The following MIPEP variants were observed in gnomAD, a reference collection of about 807,000 sequenced individuals.
MIPEP encodes mitochondrial intermediate peptidase.
In MIPEP, 79 loss-of-function variants were observed where a neutral mutation model predicts 90.3. That is an observed-to-expected ratio of 0.87 (90% confidence interval 0.73 to 1.05). MIPEP has a LOEUF of 1.05. Among genes scored for constraint, MIPEP ranks in the 50% least tolerant of loss-of-function variants. MIPEP has a pLI of 0.00. For synonymous variants in MIPEP, 334 were observed against 315.8 expected (o/e 1.06, Z -0.61); for missense variants, 940 against 905.6 (o/e 1.04, Z -0.49).
Position 23,730,212 on chromosome 13 carries a change from C to A in MIPEP, c.*136G>T. On this transcript the variant is annotated 3_prime_UTR_variant, in exon 19 of 19. Transcript: ENST00000382172. ...AATAATTAAAACAAATTATTTATTC[C>A]AAGTTCTACCAGTTTAAAGTTTTTC... The A allele has an allele frequency of 1.6e-6, 1 of 616,882 alleles. No individual in the cohort carries two copies. Among genetic ancestry groups the A allele is most frequent in the Non-Finnish European group, 2.9e-6 (1 of 350,586 alleles). The allele number at this position is 616,882 out of a possible 1,614,324, so 38.2% of individuals were successfully genotyped here.
chr13:23,818,494 G>A (rs1304585991), intron 14 of MIPEP, among the ~76,000 whole-genome samples: 1 of 151,754 alleles, frequency 6.6e-6, no homozygotes. Context: ...CAGAGCAAAG[G>A]ACACCTTAAA....
chr13:23,870,338 ATAT>A (rs1452427106), intron 5 of MIPEP, 143 bp from the exon 6 acceptor site: 10 of 379,766 alleles, frequency 2.6e-5, no homozygotes, highest in African/African-American at 1.1e-4. Flanking sequence ...TAAAATGAAT[ATAT>A]TGTTACTATA....
chr13:23,762,658 C>T (rs936317369), intron 16 of MIPEP, among the ~76,000 whole-genome samples: 1 of 152,226 alleles, frequency 6.6e-6, no homozygotes, highest in African/African-American at 2.4e-5. Flanking sequence ...CTTGGGGATG[C>T]AGCCAGTCAG....
intron 7 of MIPEP, 21 bp from the exon 8 acceptor site, chr13:23,864,210 A>C (rs1372216385): frequency 2.0e-6 from 3 of 1,472,588 alleles, no homozygotes; most frequent in South Asian, 1.3e-5. Context: ...ATCCAAAAGA[A>C]AATATCTTCA....
chr13:23,771,136 C>T (rs754591451), intron 16 of MIPEP, among the ~76,000 whole-genome samples: 3 of 152,142 alleles, frequency 2.0e-5, no homozygotes, highest in Non-Finnish European at 4.4e-5. Context: ...CTGCACTTAC[C>T]GGCTGCACAG....
At position 23,884,679 on chromosome 13, in the gene MIPEP, A is replaced by C. The variant is rs1000613771; in HGVS notation, c.363+1654T>G. Among the ~76,000 whole-genome samples, 10 of 152,250 alleles carry C rather than the reference A, an allele frequency of 6.6e-5. No individual in the cohort carries two copies. The South Asian group carries it at 1.2e-3, about 19-fold the overall frequency. ...TTCTTCAGCTAACTAGGCTGTAGAA[A>C]GGGCCTACAGTCTAGTTAAATTTCC... is the stretch of plus-strand genomic sequence containing the variant. On this transcript the variant is annotated intron_variant, in intron 2 of 18. Coordinates refer to ENST00000382172, the MANE Select transcript of MIPEP (RefSeq NM_005932.4).
Position 23,762,050 on chromosome 13 carries a change from G to A in MIPEP, c.1849-1833C>T, listed in dbSNP as rs534671946. On this transcript the variant is annotated intron_variant, in intron 16 of 18. Transcript: ENST00000382172. ...TGAAGCAGGAGAACTGCTTGAACCC[G>A]GGAGGCGGAGGTTGTAGTGAGCTAA... Among the ~76,000 whole-genome samples, 36 of 152,176 alleles carry A rather than the reference G, an allele frequency of 2.4e-4. 1 individual carries two copies. Among genetic ancestry groups the A allele is most frequent in the African/African-American group, 7.7e-4 (32 of 41,524 alleles).
intron 18 of MIPEP, among the ~76,000 whole-genome samples, chr13:23,736,137 T>C (rs2138481187): frequency 6.6e-6 from 1 of 152,228 alleles, no homozygotes; most frequent in East Asian, 1.9e-4. Flanking sequence ...CCAACCAAGG[T>C]GGATGGAGTT....
intron 1 of MIPEP, among the ~76,000 whole-genome samples, chr13:23,887,074 T>C (rs1346191157): frequency 1.3e-5 from 2 of 152,202 alleles, no homozygotes; most frequent in Non-Finnish European, 2.9e-5. Flanking sequence ...GTACCAATTA[T>C]TCTATAACTA....
At chr13:23,816,500 A>C (rs575705488) in intron 14 of MIPEP, among the ~76,000 whole-genome samples, 79 of 150,634 alleles carry the variant, frequency 5.2e-4, no homozygotes, top group African/African-American at 1.6e-3. Context: ...TCGTGGCTTT[A>C]TTACCTACAT....
At chr13:23,759,327 T>G (rs1952515971) in intron 17 of MIPEP, among the ~76,000 whole-genome samples, 1 of 149,908 alleles carries the variant, frequency 6.7e-6, no homozygotes, top group Admixed American at 6.6e-5. Context: ...CTCGCACCCT[T>G]CACCCAGCAC....
At position 23,886,390 on chromosome 13, in the gene MIPEP, G is replaced by T; in HGVS notation, c.306C>A (p.Pro102=). 6.2e-7 allele frequency: 1 copy of T among 1,607,646 alleles called. No individual in the cohort carries two copies. The highest frequency in any genetic ancestry group is 8.5e-7 in the Non-Finnish European group (1 of 1,176,660). The change falls in exon 2 of 19, where the codon CCC becomes CCA. Residue 102 remains proline (P), a synonymous_variant. Transcript: ENST00000382172. Reference sequence around the variant, plus strand: ...GCTCATCGAAGATCAGCACGGTCTGGGGCCCAGGTGGGGTGGAACATGCAC... The same window carrying T: ...GCTCATCGAAGATCAGCACGGTCTGTGGCCCAGGTGGGGTGGAACATGCAC... ...VDRACSTPPG[P]QTVLIFDELS...
chr13:23,834,869 T>C lies in MIPEP; in HGVS notation c.1653+1371A>G, dbSNP rs190582746. 4.6e-5 allele frequency among the ~76,000 whole-genome samples: 7 copies of C among 152,294 alleles called. No homozygotes were observed. In the East Asian group the frequency reaches 1.4e-3, roughly 29 times the overall value. ...TATCACGTGGTAGGGTATGCCTCTC[T>C]ATGTTATTGGCCAAGTCTACATAAT... On this transcript the variant is annotated intron_variant, in intron 14 of 18. Transcript: ENST00000382172.
At chr13:23,815,045 A>G (rs1953217608) in intron 14 of MIPEP, among the ~76,000 whole-genome samples, 2 of 152,252 alleles carry the variant, frequency 1.3e-5, no homozygotes, top group South Asian at 4.1e-4. Flanking sequence ...CAAGATAATG[A>G]GTTTTAAAAT....
Position 23,739,785 on chromosome 13 carries a change from C to CATGCATTTATCAAAGGAA in MIPEP, c.2045-9341_2045-9340insTTCCTTTGATAAATGCAT, listed in dbSNP as rs1318565623. Reference sequence around the variant, plus strand: ...CCTGACTCCACTTCAGACTGAACGTCTGCTCATGCATTTATCAAAAGGAAA... The same window carrying CATGCATTTATCAAAGGAA: ...CCTGACTCCACTTCAGACTGAACGTCATGCATTTATCAAAGGAATGCTCATGCATTTATCAAAAGGAAA... On this transcript the variant is annotated intron_variant, in intron 18 of 18. Coordinates refer to ENST00000382172, the MANE Select transcript of MIPEP (RefSeq NM_005932.4). Among the ~76,000 whole-genome samples the CATGCATTTATCAAAGGAA allele has an allele frequency of 2.6e-3, 389 of 152,352 alleles. 4 individuals carry two copies. The highest frequency in any genetic ancestry group is 8.8e-3 in the African/African-American group (368 of 41,584).
chr13:23,793,244 A>G (rs565331548), intron 16 of MIPEP, among the ~76,000 whole-genome samples: 4 of 152,350 alleles, frequency 2.6e-5, no homozygotes, highest in African/African-American at 7.2e-5. Flanking sequence ...AATACCACAA[A>G]GCAATGAAAA....
chr13:23,739,782 C>T (rs372865233), intron 18 of MIPEP, among the ~76,000 whole-genome samples: 17 of 152,328 alleles, frequency 1.1e-4, no homozygotes, highest in African/African-American at 1.9e-4. Context: ...TCAGACTGAA[C>T]GTCTGCTCAT....
At chr13:23,847,866 T>G (rs1399095611) in intron 10 of MIPEP, among the ~76,000 whole-genome samples, 1 of 152,192 alleles carries the variant, frequency 6.6e-6, no homozygotes, top group Admixed American at 6.5e-5. Flanking sequence ...TCTTATATTG[T>G]CTTGGTGCTT....
intron 4 of MIPEP, among the ~76,000 whole-genome samples, chr13:23,878,626 C>T (rs1419500517): frequency 6.6e-6 from 1 of 152,222 alleles, no homozygotes; most frequent in African/African-American, 2.4e-5. Context: ...AACCCTACTC[C>T]ACTCACAATT....
Sources: allele counts gnomAD v4.1 joint callset (sites outside exome capture counted in the v4.1 genomes callset), GRCh38; gene constraint gnomAD v4.1.1; transcripts MANE v1.5; gene names NCBI Gene and HGNC (gene_info 2026-07-23, HGNC 2026-07-21).